The following NOLC1 variants were observed in gnomAD, a reference collection of about 807,000 sequenced individuals.
NOLC1 encodes 140 kDa nucleolar phosphoprotein.
NOLC1 carries 37 observed loss-of-function variants against 73.4 expected under a neutral mutation model. The observed-to-expected ratio is 0.50, with a 90% confidence interval of 0.39 to 0.66. The LOEUF (loss-of-function observed/expected upper bound fraction) is 0.66. Ranked by LOEUF, NOLC1 falls within the 30% of genes least tolerant of loss-of-function variation. The probability of loss-of-function intolerance (pLI) is 0.00; values close to 1 mark genes in which losing one functional copy is unlikely to be tolerated. For synonymous variants in NOLC1, 327 were observed against 302.6 expected, an observed-to-expected ratio of 1.08 and a Z score of -0.84; for missense variants, 921 against 838.9, an observed-to-expected ratio of 1.10 and a Z score of -1.21.
At chr10:102,154,594 C>T (rs1160175526) in intron 1 of NOLC1, among the ~76,000 whole-genome samples, 2 of 151,910 alleles carry the variant, frequency 1.3e-5, no homozygotes, top group East Asian at 1.9e-4. Flanking sequence ...CAGCTCACTG[C>T]AACCTTTGCC....
intron 8 of NOLC1, 102 bp from the exon 9 acceptor site, chr10:102,160,131 A>G: frequency 6.3e-7 from 1 of 1,589,560 alleles, no homozygotes; most frequent in Non-Finnish European, 8.6e-7. Flanking sequence ...TGCTTAAAGC[A>G]AGACAGAGCT....
chr10:102,154,960 A>G (rs1215973528), intron 1 of NOLC1, among the ~76,000 whole-genome samples: 3 of 151,300 alleles, frequency 2.0e-5, no homozygotes, highest in Admixed American at 6.6e-5. Flanking sequence ...GGCTCAGGCA[A>G]TCCTCCTGCC....
chr10:102,160,585 C>T lies in NOLC1; in HGVS notation c.1233C>T (p.Gly411=), dbSNP rs762093377. 31 of 1,614,212 alleles carry T rather than the reference C, an allele frequency of 1.9e-5. 1 individual carries two copies. In the Middle Eastern group the frequency reaches 8.2e-4, roughly 43 times the overall value. ...CTGCAGCCCCCAAGCAACCTGTGGG[C>T]GGTGGCCAGAAGCTTCTGACGAGAA... The part of the protein sequence containing the change: ...KPAAAPKQPV[G]GGQKLLTRKA... Residue 411 remains glycine (G), a synonymous_variant, in exon 10 of 13, where the codon GGC becomes GGT. Coordinates refer to ENST00000605788, the MANE Select transcript of NOLC1 (RefSeq NM_004741.5).
intron 4 of NOLC1, 132 bp from the exon 5 acceptor site, chr10:102,157,917 T>C (rs2069625544): frequency 1.2e-6 from 1 of 813,066 alleles, no homozygotes; most frequent in Non-Finnish European, 1.9e-6. Flanking sequence ...TTTTTGCCCT[T>C]TCCGTATCCT....
chr10:102,161,775 T>G (rs1443630446), intron 11 of NOLC1, 58 bp from the exon 12 acceptor site: 1 of 1,559,720 alleles, frequency 6.4e-7, no homozygotes. Context: ...TGTGTATCAC[T>G]CAGGAGAACT....
At position 102,158,057 on chromosome 10, in the gene NOLC1, T is replaced by G. The variant is rs2069627701; in HGVS notation, c.450T>G (p.Val150=). ...TGTGTCTTTTCTAACAGAAGGGAGTTAAGCCCCAAGCCAAGGCAGCCAAAG... is the reference window on the plus strand; with the variant it reads ...TGTGTCTTTTCTAACAGAAGGGAGTGAAGCCCCAAGCCAAGGCAGCCAAAG... ...DQKKQPVQKG[V]KPQAKAAKAP... The change falls in exon 5 of 13, where the codon GTT becomes GTG. Residue 150 remains valine (V), a synonymous_variant. Coordinates refer to ENST00000605788, the MANE Select transcript of NOLC1 (RefSeq NM_004741.5). 1.2e-6 allele frequency: 2 copies of G among 1,613,718 alleles called. No individual in the cohort carries two copies. Among genetic ancestry groups the G allele is most frequent in the Non-Finnish European group, 1.7e-6 (2 of 1,179,906 alleles).
chr10:102,155,213 C>T (rs1471413829), intron 1 of NOLC1, among the ~76,000 whole-genome samples: 3 of 151,254 alleles, frequency 2.0e-5, no homozygotes, highest in Non-Finnish European at 4.4e-5. Context: ...TTAGTAGAGA[C>T]GGGGTTTCTC....
chr10:102,161,646 T>C lies in NOLC1; in HGVS notation c.1832T>C (p.Phe611Ser), dbSNP rs1180610404. The change falls in exon 11 of 13, where the codon TTT becomes TCT. Residue 611 changes from phenylalanine to serine, a missense_variant. Coordinates refer to ENST00000605788, the MANE Select transcript of NOLC1 (RefSeq NM_004741.5). ...ATAAAGCTTCAGACCCCTAACACAT[T>C]TCCAAAAAGGAAGAAAGTAAGTTGT... ...KKIKLQTPNTFPKRKKGEKRA... is the reference protein window; with the variant it reads ...KKIKLQTPNTSPKRKKGEKRA... The C allele has an allele frequency of 6.2e-7, 1 of 1,613,386 alleles. No homozygotes were observed. The highest frequency in any genetic ancestry group is 1.7e-5 in the Admixed American group (1 of 59,928).
Position 102,162,292 on chromosome 10 carries a change from C to A in NOLC1, c.*23C>A, listed in dbSNP as rs752567882. 6.2e-7 allele frequency: 1 copy of A among 1,610,450 alleles called. No homozygotes were observed. Among genetic ancestry groups the A allele is most frequent in the South Asian group, 1.1e-5 (1 of 90,714 alleles). On this transcript the variant is annotated 3_prime_UTR_variant, in exon 13 of 13. Coordinates refer to ENST00000605788, the MANE Select transcript of NOLC1 (RefSeq NM_004741.5). ...TGACCTGAGGCCATCTTCGGTGAAG[C>A]AAGGGTGATGATCGGAGACTACTTA...
Position 102,162,343 on chromosome 10 carries a change from T to C in NOLC1, c.*74T>C. 2 of 1,522,006 alleles carry C rather than the reference T, an allele frequency of 1.3e-6. No individual in the cohort carries two copies. Among genetic ancestry groups the C allele is most frequent in the Admixed American group, 3.6e-5 (2 of 55,690 alleles). 94.3% of individuals were successfully genotyped at this position (1,522,006 alleles called of 1,614,324 possible). On this transcript the variant is annotated 3_prime_UTR_variant, in exon 13 of 13. Coordinates refer to ENST00000605788, the MANE Select transcript of NOLC1 (RefSeq NM_004741.5). ...CTTTCTCCAGTGGACCTGGGAACCCTCAGGTCTCTAGGTGAGGGTCTTGAT... is the reference window on the plus strand; with the variant it reads ...CTTTCTCCAGTGGACCTGGGAACCCCCAGGTCTCTAGGTGAGGGTCTTGAT...
intron 1 of NOLC1, among the ~76,000 whole-genome samples, chr10:102,152,851 A>G (rs2069529296): frequency 6.6e-6 from 1 of 152,114 alleles, no homozygotes; most frequent in Non-Finnish European, 1.5e-5. Context: ...TCCACTGAGG[A>G]CGTTGGTTCT....
Position 102,160,549 on chromosome 10 carries a change from A to G in NOLC1, c.1197A>G (p.Ala399=), listed in dbSNP as rs370088944. 6.2e-7 allele frequency: 1 copy of G among 1,614,220 alleles called. No homozygotes were observed. The highest frequency in any genetic ancestry group is 8.5e-7 in the Non-Finnish European group (1 of 1,180,036). Residue 399 remains alanine (A), a synonymous_variant, in exon 10 of 13, where the codon GCA becomes GCG. Coordinates refer to ENST00000605788, the MANE Select transcript of NOLC1 (RefSeq NM_004741.5). ...NKPAVTTKSP[A]VKPAAAPKQP... ...CAGCTGTCACCACCAAGTCACCTGC[A>G]GTGAAGCCAGCTGCAGCCCCCAAGC... is the stretch of plus-strand genomic sequence containing the variant.
chr10:102,157,654 A>G (rs935731999), intron 4 of NOLC1, 99 bp downstream of exon 4: 3 of 1,335,270 alleles, frequency 2.2e-6, no homozygotes, highest in Non-Finnish European at 3.0e-6. Flanking sequence ...TGGCGGCAAT[A>G]CAATAGGTGA....
rs199667137 is a variant in NOLC1, at chr10:102,159,487, C to G, written c.778C>G (p.Pro260Ala). The G allele has an allele frequency of 1.4e-5, 22 of 1,614,172 alleles. No homozygotes were observed. In the East Asian group the frequency reaches 4.9e-4, roughly 36 times the overall value. The change falls in exon 7 of 13, where the codon CCT (proline) becomes GCT (alanine). Residue 260 changes from proline to alanine, a missense_variant. By Grantham distance (27) the Pro-to-Ala change is conservative. Transcript: ENST00000605788. Reference protein sequence around the residue: ...AKAPVKAATTPTRKSSSSEDS... With the variant: ...AKAPVKAATTATRKSSSSEDS... ...GGCCCCAGTGAAAGCAGCTACCACC[C>G]CTACCCGGAAGAGTTCTAGCAGTGA...
At position 102,162,285 on chromosome 10, in the gene NOLC1, G is replaced by C. The variant is rs185715122; in HGVS notation, c.*16G>C. Reference sequence around the variant, plus strand: ...CAGCGAGTGACCTGAGGCCATCTTCGGTGAAGCAAGGGTGATGATCGGAGA... The same window carrying C: ...CAGCGAGTGACCTGAGGCCATCTTCCGTGAAGCAAGGGTGATGATCGGAGA... On this transcript the variant is annotated 3_prime_UTR_variant, in exon 13 of 13. Coordinates refer to ENST00000605788, the MANE Select transcript of NOLC1 (RefSeq NM_004741.5). The C allele has an allele frequency of 6.2e-7, 1 of 1,611,984 alleles. No homozygotes were observed. The highest frequency in any genetic ancestry group is 8.5e-7 in the Non-Finnish European group (1 of 1,178,670).
chr10:102,159,451 G>A lies in NOLC1; in HGVS notation c.742G>A (p.Val248Ile). The change falls in exon 7 of 13, where the codon GTT becomes ATT. Residue 248 changes from valine (V) to isoleucine (I), a missense_variant. Transcript: ENST00000605788. Reference protein sequence around the residue: ...TPKKTVPKKQVVAKAPVKAAT... With the variant: ...TPKKTVPKKQIVAKAPVKAAT... ...AATGCAGACTGTACCTAAAAAGCAA[G>A]TTGTGGCCAAGGCCCCAGTGAAAGC... 6.2e-7 allele frequency: 1 copy of A among 1,614,180 alleles called. No individual in the cohort carries two copies. The highest frequency in any genetic ancestry group is 8.5e-7 in the Non-Finnish European group (1 of 1,180,040).
Position 102,157,040 on chromosome 10 carries a change from T to A in NOLC1, c.142T>A (p.Ser48Thr), listed in dbSNP as rs765860972. 25 of 1,614,100 alleles carry A rather than the reference T, an allele frequency of 1.5e-5. No homozygotes were observed. In the South Asian group the frequency reaches 2.5e-4, roughly 16 times the overall value. The change falls in exon 2 of 13, where the codon TCT becomes ACT. Residue 48 changes from serine to threonine, a missense_variant. Transcript: ENST00000605788. The stretch of plus-strand genomic sequence containing the variant: ...ACAGACACAGCAGGATGCCAATGCC[T>A]CTTCCCTCTTAGACATCTATAGCTT... ...TGATQQDANASSLLDIYSFWL... is the reference protein window; with the variant it reads ...TGATQQDANATSLLDIYSFWL...
rs994796337 is a variant in NOLC1, at chr10:102,163,522, C to A, written c.*1253C>A. On this transcript the variant is annotated 3_prime_UTR_variant, in exon 13 of 13. Coordinates refer to ENST00000605788, the MANE Select transcript of NOLC1 (RefSeq NM_004741.5). ...ACAAACCAGTGACCAGAGATAACAG[C>A]TTTTAGGCCAAGCTGGCCTGACGGT... 1.3e-5 allele frequency: 2 copies of A among 152,192 alleles called. No individual in the cohort carries two copies. Among genetic ancestry groups the A allele is most frequent in the Non-Finnish European group, 2.9e-5 (2 of 68,050 alleles). The allele number at this position is 152,192 out of a possible 1,614,324, so 9.4% of individuals were successfully genotyped here.
In NOLC1 at chr10:102,152,391, T is replaced by G; in HGVS notation, c.-20T>G. The G allele has an allele frequency of 6.2e-7, 1 of 1,606,694 alleles. No homozygotes were observed. Among genetic ancestry groups the G allele is most frequent in the East Asian group, 2.2e-5 (1 of 44,884 alleles). ...AGTCGTGCTGCGTCGACAACGGTAGTGACGCGTATTGCCTGGAGGATGGCG... is the reference window on the plus strand; with the variant it reads ...AGTCGTGCTGCGTCGACAACGGTAGGGACGCGTATTGCCTGGAGGATGGCG... On this transcript the variant is annotated 5_prime_UTR_variant, in exon 1 of 13. Coordinates refer to ENST00000605788, the MANE Select transcript of NOLC1 (RefSeq NM_004741.5).
Sources: gnomAD v4.1 joint callset for allele counts (sites outside exome capture counted in the v4.1 genomes callset) on GRCh38, gnomAD v4.1.1 for gene constraint, MANE v1.5 for transcripts, NCBI Gene and HGNC (gene_info 2026-07-23, HGNC 2026-07-21) for gene names.